The following MCTP1 variants were observed in gnomAD, a reference collection of about 807,000 sequenced individuals.
MCTP1 encodes the protein multiple C2 and transmembrane domain containing 1, also known as multiple C2 and transmembrane domain-containing protein 1.
Under a neutral mutation model 120.6 loss-of-function variants are expected in MCTP1, and 69 were observed. The ratio of observed to expected loss-of-function variants is 0.57; its 90% CI spans 0.47 to 0.70. MCTP1 has a LOEUF of 0.70. Among genes scored for constraint, MCTP1 ranks in the 30% least tolerant of loss-of-function variants. The probability of loss-of-function intolerance (pLI) is 0.00; values close to 1 mark genes in which losing one functional copy is unlikely to be tolerated. For missense variants in MCTP1, 1,203 were observed against 1,248.8 expected (o/e 0.96, Z 0.55); for synonymous variants, 529 against 493.1 (o/e 1.07, Z -0.96).
At chr5:94,787,564 G>A (rs553998470) in intron 18 of MCTP1, among the ~76,000 whole-genome samples, 1 of 151,448 alleles carries the variant, frequency 6.6e-6, no homozygotes, top group South Asian at 2.1e-4. Flanking sequence ...CTTGCTTGCT[G>A]TTTTACACAT....
chr5:95,033,395 T>C (rs1426979936), intron 1 of MCTP1, among the ~76,000 whole-genome samples: 2 of 152,058 alleles, frequency 1.3e-5, no homozygotes, highest in Non-Finnish European at 2.9e-5. Flanking sequence ...ATTTGGGTTT[T>C]ATTTCTGGGA....
intron 17 of MCTP1, among the ~76,000 whole-genome samples, chr5:94,809,251 T>A (rs1312557451): frequency 6.6e-6 from 1 of 150,604 alleles, no homozygotes; most frequent in African/African-American, 2.4e-5. Flanking sequence ...ATTTAAATGT[T>A]TTTTTTTTTC....
chr5:95,019,580 T>C (rs1055653460), intron 1 of MCTP1, among the ~76,000 whole-genome samples: 1 of 152,102 alleles, frequency 6.6e-6, no homozygotes, highest in African/African-American at 2.4e-5. Flanking sequence ...TCATTTCTCT[T>C]GAAAAAGTTT....
intron 1 of MCTP1, among the ~76,000 whole-genome samples, chr5:95,235,554 A>T (rs1301930093): frequency 6.6e-6 from 1 of 152,050 alleles, no homozygotes; most frequent in Non-Finnish European, 1.5e-5. Flanking sequence ...TGCTGGCTTA[A>T]ACTTCCAGAA....
chr5:95,049,459 T>G (rs971482205), intron 1 of MCTP1, among the ~76,000 whole-genome samples: 1 of 151,948 alleles, frequency 6.6e-6, no homozygotes, highest in Non-Finnish European at 1.5e-5. Context: ...TTCAAATAAG[T>G]GAAGTACCAC....
intron 17 of MCTP1, 48 bp downstream of exon 17, chr5:94,868,285 T>C: frequency 1.3e-6 from 2 of 1,517,588 alleles, no homozygotes; most frequent in East Asian, 2.4e-5. Flanking sequence ...GCAGCTATGA[T>C]TACTGAATTT....
chr5:94,976,122 A>G (rs569203088), intron 2 of MCTP1, among the ~76,000 whole-genome samples: 1 of 152,298 alleles, frequency 6.6e-6, no homozygotes, highest in Non-Finnish European at 1.5e-5. Context: ...ACTTAATCTG[A>G]AATATGTAAA....
chr5:94,791,008 C>T (rs1215908703), intron 18 of MCTP1, among the ~76,000 whole-genome samples: 6 of 150,976 alleles, frequency 4.0e-5, no homozygotes, highest in African/African-American at 1.2e-4. Flanking sequence ...CGCGGTGCCT[C>T]GCGCCTGTAA....
In MCTP1 at chr5:94,707,425, G is replaced by C; in HGVS notation, c.*71C>G. ...AATAAAAAGCAGAAAGAAAGGAAAT[G>C]CTGCTGAGGCTGAGGGCTTTTTCTT... is the stretch of plus-strand genomic sequence containing the variant. On this transcript the variant is annotated 3_prime_UTR_variant, in exon 23 of 23. Coordinates refer to ENST00000515393, the MANE Select transcript of MCTP1 (RefSeq NM_024717.7). 2.6e-6 allele frequency: 3 copies of C among 1,135,402 alleles called. No individual in the cohort carries two copies. Among genetic ancestry groups the C allele is most frequent in the Non-Finnish European group, 3.9e-6 (3 of 770,662 alleles). The allele number at this position is 1,135,402 out of a possible 1,614,324, so 70.3% of individuals were successfully genotyped here.
chr5:94,806,938 C>T (rs1782448984), intron 17 of MCTP1, among the ~76,000 whole-genome samples: 2 of 152,334 alleles, frequency 1.3e-5, no homozygotes, highest in South Asian at 2.1e-4. Context: ...TTAATTATTT[C>T]ACGGTCCTTT....
intron 7 of MCTP1, among the ~76,000 whole-genome samples, chr5:94,922,447 AC>A (rs1303587929): frequency 2.0e-5 from 3 of 148,404 alleles, no homozygotes; most frequent in African/African-American, 7.4e-5. Context: ...AACCCAGAAC[AC>A]CCCCCAAATT....
intron 2 of MCTP1, among the ~76,000 whole-genome samples, chr5:95,008,004 A>T (rs955026189): frequency 6.6e-6 from 1 of 152,176 alleles, no homozygotes; most frequent in African/African-American, 2.4e-5. Context: ...TGCCTACATG[A>T]CGTAGCCTGA....
intron 1 of MCTP1, among the ~76,000 whole-genome samples, chr5:95,123,301 A>C (rs574747896): frequency 6.6e-6 from 1 of 152,110 alleles, no homozygotes; most frequent in African/African-American, 2.4e-5. Flanking sequence ...ACTAAAAAAA[A>C]ATGGAGGAAC....
At chr5:95,088,486 T>G (rs1396220746) in intron 1 of MCTP1, among the ~76,000 whole-genome samples, 1 of 152,196 alleles carries the variant, frequency 6.6e-6, no homozygotes, top group African/African-American at 2.4e-5. Flanking sequence ...CCATCCCACT[T>G]AATCCTCACA....
At chr5:95,211,785 T>C (rs1039989205) in intron 1 of MCTP1, among the ~76,000 whole-genome samples, 1 of 152,174 alleles carries the variant, frequency 6.6e-6, no homozygotes, top group East Asian at 1.9e-4. Flanking sequence ...TTCTGCTCTG[T>C]TTTTCCCCAT....
At chr5:95,144,679 T>C (rs926868098) in intron 1 of MCTP1, among the ~76,000 whole-genome samples, 2 of 152,166 alleles carry the variant, frequency 1.3e-5, no homozygotes, top group African/African-American at 4.8e-5. Context: ...TCACCATTGC[T>C]CATTTTTGTC....
intron 6 of MCTP1, among the ~76,000 whole-genome samples, chr5:94,926,744 C>T (rs773716434): frequency 6.6e-6 from 1 of 152,200 alleles, no homozygotes; most frequent in African/African-American, 2.4e-5. Context: ...CTTAGTTCTG[C>T]TATCCTGGAA....
At position 95,268,359 on chromosome 5, in the gene MCTP1, G is replaced by A. The variant is rs531840327; in HGVS notation, c.720+15497C>T. 2.6e-5 allele frequency among the ~76,000 whole-genome samples: 4 copies of A among 152,232 alleles called. No individual in the cohort carries two copies. The South Asian group carries it at 8.3e-4, about 32-fold the overall frequency. ...TCTTCCAGCTACACATACATATTTG[G>A]GGTTGGTTTATTATATAGAACATTT... On this transcript the variant is annotated intron_variant, in intron 1 of 22. Coordinates refer to ENST00000515393, the MANE Select transcript of MCTP1 (RefSeq NM_024717.7).
Position 94,872,607 on chromosome 5 carries a change from G to C in MCTP1, c.2036+532C>G, listed in dbSNP as rs543257240. On this transcript the variant is annotated intron_variant, in intron 13 of 22. Coordinates refer to ENST00000515393, the MANE Select transcript of MCTP1 (RefSeq NM_024717.7). Reference sequence around the variant, plus strand: ...TAGTGTAGCATTGGCAGCTTTTACAGTGTATGACTGAAAAGGTTTACAAAC... The same window carrying C: ...TAGTGTAGCATTGGCAGCTTTTACACTGTATGACTGAAAAGGTTTACAAAC... Among the ~76,000 whole-genome samples, 13 of 152,176 alleles carry C rather than the reference G, an allele frequency of 8.5e-5. No individual in the cohort carries two copies. The South Asian group carries it at 2.7e-3, about 32-fold the overall frequency.
Sources: allele counts gnomAD v4.1 joint callset (sites outside exome capture counted in the v4.1 genomes callset), GRCh38; gene constraint gnomAD v4.1.1; transcripts MANE v1.5; gene names NCBI Gene and HGNC (gene_info 2026-07-23, HGNC 2026-07-21).